The following GRM5 variants were observed in gnomAD, a reference collection of about 807,000 sequenced individuals.
The protein encoded by GRM5 is glutamate metabotropic receptor 5, also known as metabotropic glutamate receptor 5.
Under a neutral mutation model 83.1 loss-of-function variants are expected in GRM5, and 19 were observed. The observed-to-expected ratio is 0.23, with a 90% CI of 0.16 to 0.34. GRM5 has a LOEUF of 0.34. GRM5 is among the 10% of genes least tolerant of loss of function. GRM5 has a pLI of 1.00. For missense variants in GRM5, 1,160 were observed against 1,588.3 expected, an observed-to-expected ratio of 0.73 and a Z score of 4.58; for synonymous variants, 675 against 633.6, an observed-to-expected ratio of 1.07 and a Z score of -0.98.
rs112756078 is a variant in GRM5, at chr11:88,534,763, G to C, written c.2631-9359C>G. Among the ~76,000 whole-genome samples, 760 of 152,252 alleles carry C rather than the reference G, an allele frequency of 5.0e-3. 8 individuals are homozygous for C. Among genetic ancestry groups the C allele is most frequent in the African/African-American group, 0.017 (699 of 41,546 alleles). On this transcript the variant is annotated intron_variant, in intron 8 of 9. Coordinates refer to ENST00000305447, the MANE Select transcript of GRM5 (RefSeq NM_001143831.3). ...GGGCAGAATAATATGGTTTGGCTCTGTTTCCCCACACAAATTTCATCTTCA... is the reference window on the plus strand; with the variant it reads ...GGGCAGAATAATATGGTTTGGCTCTCTTTCCCCACACAAATTTCATCTTCA...
intron 1 of GRM5, among the ~76,000 whole-genome samples, chr11:89,062,154 A>C (rs1275459438): frequency 6.6e-6 from 1 of 152,378 alleles, no homozygotes; most frequent in East Asian, 1.9e-4. Context: ...ATAAACATGC[A>C]TAAAGGACAG....
At chr11:88,547,323 A>C (rs1271464332) in intron 8 of GRM5, among the ~76,000 whole-genome samples, 1 of 152,174 alleles carries the variant, frequency 6.6e-6, no homozygotes, top group Non-Finnish European at 1.5e-5. Flanking sequence ...ACCAGAACTC[A>C]AGGAAGACTA....
At chr11:88,928,908 A>ATATATACG (rs60360664) in intron 2 of GRM5, among the ~76,000 whole-genome samples, 1 of 11,302 alleles carries the variant, frequency 8.8e-5, no homozygotes, top group African/African-American at 1.3e-4. Flanking sequence ...ATGTGTATAT[A>ATATATACG]CACACACACA....
At chr11:88,688,983 G>A (rs939305099) in intron 3 of GRM5, among the ~76,000 whole-genome samples, 24 of 151,566 alleles carry the variant, frequency 1.6e-4, no homozygotes, top group African/African-American at 1.2e-4. Context: ...CATATAAAAC[G>A]GACACGAAAT....
At position 88,979,466 on chromosome 11, in the gene GRM5, A is replaced by T. The variant is rs1301300490; in HGVS notation, c.661+67746T>A. Among the ~76,000 whole-genome samples, 5 of 152,322 alleles carry T rather than the reference A, an allele frequency of 3.3e-5. No individual in the cohort carries two copies. In the East Asian group the frequency reaches 5.8e-4, roughly 18 times the overall value. On this transcript the variant is annotated intron_variant, in intron 2 of 9. Transcript: ENST00000305447. ...TGAGTCTGACATAAATTTCCAAGTC[A>T]TTACGTTACAGGTATTACAAAAATA...
intron 8 of GRM5, among the ~76,000 whole-genome samples, chr11:88,528,457 T>C (rs968912293): frequency 4.8e-4 from 73 of 152,238 alleles, no homozygotes; most frequent in African/African-American, 1.7e-3. Flanking sequence ...ATAGATTTAA[T>C]AGTCTCAACT....
chr11:88,793,259 T>C (rs1373723993), intron 3 of GRM5, among the ~76,000 whole-genome samples: 1 of 152,148 alleles, frequency 6.6e-6, no homozygotes, highest in Non-Finnish European at 1.5e-5. Flanking sequence ...AGAAAGCATA[T>C]ATATGAACTG....
chr11:89,036,313 T>C (rs1941384572), intron 2 of GRM5, among the ~76,000 whole-genome samples: 2 of 152,088 alleles, frequency 1.3e-5, no homozygotes, highest in African/African-American at 4.8e-5. Context: ...AAACTTATCT[T>C]CTAAAGTGAA....
At chr11:88,856,671 G>A (rs1475528413) in intron 2 of GRM5, among the ~76,000 whole-genome samples, 1 of 151,876 alleles carries the variant, frequency 6.6e-6, no homozygotes, top group Admixed American at 6.6e-5. Flanking sequence ...AATTGTATGT[G>A]CGGTATCTTT....
chr11:88,761,487 G>A (rs1031766117), intron 3 of GRM5, among the ~76,000 whole-genome samples: 6 of 151,910 alleles, frequency 3.9e-5, no homozygotes, highest in African/African-American at 1.2e-4. Context: ...TAGGAATACA[G>A]CTAACCAGGA....
At chr11:88,874,974 T>C (rs1005546218) in intron 2 of GRM5, among the ~76,000 whole-genome samples, 1 of 151,998 alleles carries the variant, frequency 6.6e-6, no homozygotes, top group African/African-American at 2.4e-5. Flanking sequence ...TAGAGGATCT[T>C]GTCTTGATAC....
chr11:88,710,513 C>T (rs931749864), intron 3 of GRM5, among the ~76,000 whole-genome samples: 1 of 152,032 alleles, frequency 6.6e-6, no homozygotes, highest in African/African-American at 2.4e-5. Context: ...TTAAGTTACT[C>T]AGAACTCAGC....
chr11:88,645,679 T>G (rs1939424132), intron 4 of GRM5, among the ~76,000 whole-genome samples: 1 of 152,084 alleles, frequency 6.6e-6, no homozygotes, highest in Admixed American at 6.6e-5. Context: ...TGAAACTAAT[T>G]TTTAGTATCA....
Position 88,891,348 on chromosome 11 carries a change from A to G in GRM5, c.662-41193T>C, listed in dbSNP as rs981813657. 7.6e-4 allele frequency among the ~76,000 whole-genome samples: 115 copies of G among 152,268 alleles called. 1 individual carries two copies. Among genetic ancestry groups the G allele is most frequent in the African/African-American group, 2.6e-3 (109 of 41,580 alleles). ...TTATGACTATCTGGAATTCTATTTC[A>G]TAACATCAACTGTTTTAAACCTCTA... On this transcript the variant is annotated intron_variant, in intron 2 of 9. Transcript: ENST00000305447.
At chr11:88,626,351 A>T (rs940175805) in intron 4 of GRM5, among the ~76,000 whole-genome samples, 3 of 152,222 alleles carry the variant, frequency 2.0e-5, no homozygotes, top group Non-Finnish European at 4.4e-5. Context: ...AAACAGTCTA[A>T]TCGGAAACCT....
intron 2 of GRM5, among the ~76,000 whole-genome samples, chr11:88,880,989 A>C (rs1944942843): frequency 6.6e-6 from 1 of 152,110 alleles, no homozygotes; most frequent in Non-Finnish European, 1.5e-5. Context: ...ACCCTAAATA[A>C]ATGACAGGAA....
intron 2 of GRM5, among the ~76,000 whole-genome samples, chr11:88,890,190 G>A (rs1180263749): frequency 6.6e-6 from 1 of 152,048 alleles, no homozygotes; most frequent in Non-Finnish European, 1.5e-5. Flanking sequence ...TTAGCTTTGG[G>A]TTGCCTTACA....
intron 4 of GRM5, among the ~76,000 whole-genome samples, chr11:88,632,752 C>T (rs1939011284): frequency 6.6e-6 from 1 of 152,170 alleles, no homozygotes; most frequent in Non-Finnish European, 1.5e-5. Context: ...TTTTAAGAAA[C>T]TATCAAACTA....
At chr11:88,968,776 C>G (rs1939073450) in intron 2 of GRM5, among the ~76,000 whole-genome samples, 1 of 151,476 alleles carries the variant, frequency 6.6e-6, no homozygotes, top group Non-Finnish European at 1.5e-5. Context: ...TGAAAATACC[C>G]TAAAAAGCCA....
Sources: allele counts gnomAD v4.1 joint callset (sites outside exome capture counted in the v4.1 genomes callset), GRCh38; gene constraint gnomAD v4.1.1; transcripts MANE v1.5; gene names NCBI Gene and HGNC (gene_info 2026-07-23, HGNC 2026-07-21).